GRIP1: variants seen among roughly 807,000 people sequenced by gnomAD.
GRIP1 encodes the protein glutamate receptor-interacting protein 1.
In GRIP1, 45 loss-of-function variants were observed where a neutral mutation model predicts 129.9. That is an observed-to-expected ratio of 0.35 (90% confidence interval 0.27 to 0.44). GRIP1 has a LOEUF of 0.44. Ranked by LOEUF, GRIP1 falls within the 20% of genes least tolerant of loss-of-function variation. The pLI, the probability that GRIP1 is intolerant of heterozygous loss-of-function variation, is 1.00. For missense variants in GRIP1, 1,196 were observed against 1,396.8 expected (o/e 0.86, Z 2.29); for synonymous variants, 530 against 520.8 (o/e 1.02, Z -0.24).
intron 8 of GRIP1, among the ~76,000 whole-genome samples, chr12:66,463,529 T>C (rs139357688): frequency 3.3e-5 from 5 of 152,318 alleles, no homozygotes; most frequent in African/African-American, 1.2e-4. Flanking sequence ...ATAGGGTCTA[T>C]TTTATGTGTA....
chr12:66,509,782 C>T (rs1303776964), intron 7 of GRIP1, among the ~76,000 whole-genome samples: 2 of 151,976 alleles, frequency 1.3e-5, no homozygotes, highest in Non-Finnish European at 2.9e-5. Flanking sequence ...GAACAACACA[C>T]ACTGGGGCCT....
chr12:66,810,352 G>A (rs1566034485), intron 1 of GRIP1, among the ~76,000 whole-genome samples: 1 of 152,168 alleles, frequency 6.6e-6, no homozygotes, highest in Non-Finnish European at 1.5e-5. Context: ...GAGTTCAGGA[G>A]TTTGAGACCA....
intron 13 of GRIP1, among the ~76,000 whole-genome samples, chr12:66,433,540 A>G (rs1416742392): frequency 6.6e-6 from 1 of 152,236 alleles, no homozygotes; most frequent in Non-Finnish European, 1.5e-5. Flanking sequence ...CTGAATCTCA[A>G]CGCAGGACAG....
intron 1 of GRIP1, among the ~76,000 whole-genome samples, chr12:66,979,178 T>C (rs144828676): frequency 8.9e-4 from 122 of 136,708 alleles, no homozygotes; most frequent in Middle Eastern, 4.6e-3. Flanking sequence ...ATGACCCCAC[T>C]TGAGGATTTA....
At chr12:66,929,197 C>T (rs1009042150) in intron 1 of GRIP1, among the ~76,000 whole-genome samples, 1 of 152,160 alleles carries the variant, frequency 6.6e-6, no homozygotes, top group Non-Finnish European at 1.5e-5. Flanking sequence ...CTTGAACATG[C>T]CCTGCACCTC....
At chr12:66,413,311 C>A (rs1001309856) in intron 15 of GRIP1, among the ~76,000 whole-genome samples, 1 of 152,092 alleles carries the variant, frequency 6.6e-6, no homozygotes, top group African/African-American at 2.4e-5. Flanking sequence ...CACTCTAAAC[C>A]ACACTACTAC....
chr12:66,678,150 A>G (rs1012217718), intron 1 of GRIP1, among the ~76,000 whole-genome samples: 1 of 152,222 alleles, frequency 6.6e-6, no homozygotes, highest in Non-Finnish European at 1.5e-5. Flanking sequence ...TGGCACATCC[A>G]GAATGGTTTC....
At chr12:66,960,557 A>G (rs1222850008) in intron 1 of GRIP1, among the ~76,000 whole-genome samples, 1 of 152,176 alleles carries the variant, frequency 6.6e-6, no homozygotes. Context: ...TGGGTTCATG[A>G]GCGTGTTAAC....
chr12:66,994,231 T>A (rs964788612), intron 1 of GRIP1, among the ~76,000 whole-genome samples: 1 of 151,560 alleles, frequency 6.6e-6, no homozygotes, highest in East Asian at 1.9e-4. Flanking sequence ...TTATCCCTTA[T>A]ACAAAACTCT....
chr12:66,519,860 C>T (rs978952669), intron 5 of GRIP1, among the ~76,000 whole-genome samples: 2 of 152,216 alleles, frequency 1.3e-5, no homozygotes, highest in African/African-American at 2.4e-5. Flanking sequence ...GTTTCCTTGT[C>T]TAAAGTGTAA....
At chr12:66,508,987 G>A (rs1484147069) in intron 7 of GRIP1, among the ~76,000 whole-genome samples, 1 of 152,220 alleles carries the variant, frequency 6.6e-6, no homozygotes, top group Non-Finnish European at 1.5e-5. Context: ...TCAGAATGAT[G>A]TTCTTGAGAT....
intron 1 of GRIP1, among the ~76,000 whole-genome samples, chr12:66,999,212 G>C (rs2042514460): frequency 6.6e-6 from 1 of 152,120 alleles, no homozygotes; most frequent in Admixed American, 6.6e-5. Flanking sequence ...ATGTGCTGTA[G>C]TCCAAATTGG....
At chr12:66,621,097 T>C (rs1416411034) in intron 1 of GRIP1, among the ~76,000 whole-genome samples, 10 of 152,190 alleles carry the variant, frequency 6.6e-5, no homozygotes, top group African/African-American at 1.9e-4. Flanking sequence ...TTTTATATTA[T>C]GGTAAAATAG....
intron 1 of GRIP1, among the ~76,000 whole-genome samples, chr12:66,780,976 A>T (rs759729013): frequency 3.1e-4 from 47 of 152,242 alleles, no homozygotes; most frequent in Middle Eastern, 3.4e-3. Context: ...GGAGCAGGCA[A>T]ACTGTCTGCT....
chr12:66,796,657 T>G (rs2038707444), intron 1 of GRIP1, among the ~76,000 whole-genome samples: 1 of 152,150 alleles, frequency 6.6e-6, no homozygotes, highest in Non-Finnish European at 1.5e-5. Flanking sequence ...GGCAAGGACC[T>G]CCTCTGTCTT....
intron 3 of GRIP1, 146 bp downstream of exon 3, chr12:66,541,669 T>C (rs2061784941): frequency 4.7e-6 from 4 of 844,670 alleles, no homozygotes; most frequent in African/African-American, 1.7e-5. Context: ...TTCTGAAACG[T>C]GCCCCACTGT....
At chr12:66,839,148 CA>C (rs1168225918) in intron 1 of GRIP1, among the ~76,000 whole-genome samples, 3 of 151,966 alleles carry the variant, frequency 2.0e-5, no homozygotes, top group African/African-American at 7.2e-5. Context: ...AATAAAAACA[CA>C]AAAGGAAACA....
chr12:67,050,849 A>C (rs935138524), intron 1 of GRIP1, among the ~76,000 whole-genome samples: 6 of 152,222 alleles, frequency 3.9e-5, no homozygotes, highest in Admixed American at 3.3e-4. Context: ...GAACTTTCAT[A>C]TAAACAAACA....
chr12:66,527,026 A>AC (rs1023782453), intron 5 of GRIP1, among the ~76,000 whole-genome samples: 5 of 141,898 alleles, frequency 3.5e-5, no homozygotes, highest in Admixed American at 1.4e-4. Context: ...TCAGGTAACA[A>AC]CAGGTGCTGG....
Sources: gnomAD v4.1 joint callset for allele counts (sites outside exome capture counted in the v4.1 genomes callset) on GRCh38, gnomAD v4.1.1 for gene constraint, MANE v1.5 for transcripts, NCBI Gene and HGNC (gene_info 2026-07-23, HGNC 2026-07-21) for gene names.